BLOC1S5: variants seen among roughly 807,000 people sequenced by gnomAD.
The protein encoded by BLOC1S5 is biogenesis of lysosome-related organelles complex 1 subunit 5.
BLOC1S5 carries 27 observed loss-of-function variants against 24.3 expected under a neutral mutation model. That is an observed-to-expected ratio of 1.11 (90% CI 0.82 to 1.53). The LOEUF (loss-of-function observed/expected upper bound fraction) is 1.53. Among genes scored for constraint, BLOC1S5 ranks in the 40% most tolerant of loss-of-function variants. The pLI, the probability that BLOC1S5 is intolerant of heterozygous loss-of-function variation, is 0.00. For missense variants in BLOC1S5, 239 were observed against 229.4 expected (o/e 1.04, Z -0.27); for synonymous variants, 84 against 74.5 (o/e 1.13, Z -0.66).
At chr6:8,040,728 C>T (rs968126655) in intron 3 of BLOC1S5, among the ~76,000 whole-genome samples, 4 of 151,974 alleles carry the variant, frequency 2.6e-5, no homozygotes, top group Admixed American at 2.6e-4. Context: ...TGGTGAGACG[C>T]ACCTGTAGTC....
chr6:8,026,283 A>G, intron 4 of BLOC1S5, 84 bp downstream of exon 4: 1 of 1,141,188 alleles, frequency 8.8e-7, no homozygotes, highest in East Asian at 2.4e-5. Context: ...GCATTCAGAG[A>G]ATTTTCTGAT....
At chr6:8,018,355 G>A (rs1359614387) in intron 4 of BLOC1S5, among the ~76,000 whole-genome samples, 1 of 152,164 alleles carries the variant, frequency 6.6e-6, no homozygotes, top group Non-Finnish European at 1.5e-5. Flanking sequence ...ATGATATTTA[G>A]CTTTAGTTGT....
chr6:8,026,872 T>C (rs1048478848), intron 3 of BLOC1S5, among the ~76,000 whole-genome samples: 24 of 152,342 alleles, frequency 1.6e-4, no homozygotes, highest in African/African-American at 5.3e-4. Flanking sequence ...CTAGTAATAA[T>C]TATTGTAATT....
At chr6:8,048,346 A>C (rs1245554113) in intron 2 of BLOC1S5, among the ~76,000 whole-genome samples, 1 of 152,218 alleles carries the variant, frequency 6.6e-6, no homozygotes, top group African/African-American at 2.4e-5. Flanking sequence ...TAGAAATGGA[A>C]TTCGGAGACT....
At chr6:8,041,808 G>T (rs571471364) in intron 2 of BLOC1S5, 2 of 150,694 alleles carry the variant, frequency 1.3e-5, no homozygotes, top group Admixed American at 6.7e-5. Context: ...CACTACCCCC[G>T]GCTAATTTTG....
chr6:8,022,568 A>ATTTTTTTTTTTTTTTTT (rs35289860), intron 4 of BLOC1S5, among the ~76,000 whole-genome samples: 6 of 123,956 alleles, frequency 4.8e-5, no homozygotes, highest in East Asian at 3.0e-4. Context: ...TTCAAACTCT[A>ATTTTTTTTTTTTTTTTT]TTTTTTTTTT....
At chr6:8,031,380 T>G (rs919356381) in intron 3 of BLOC1S5, among the ~76,000 whole-genome samples, 7 of 152,170 alleles carry the variant, frequency 4.6e-5, no homozygotes, top group African/African-American at 1.7e-4. Context: ...CCTTTTAGAA[T>G]AGCTGCAAAA....
intron 2 of BLOC1S5, among the ~76,000 whole-genome samples, chr6:8,043,286 C>A (rs1763755056): frequency 6.6e-6 from 1 of 152,152 alleles, no homozygotes; most frequent in African/African-American, 2.4e-5. Context: ...GTAGAGAAAA[C>A]TAGCAACATG....
rs55949249 is a variant in BLOC1S5 at position 8,041,312 on chromosome 6, CTTTTTTTT to C, written c.196-52_196-45del. 7.9e-5 allele frequency: 85 copies of C among 1,081,688 alleles called. No homozygotes were observed. The East Asian group carries it at 8.4e-4, about 11-fold the overall frequency. The allele number at this position is 1,081,688 out of a possible 1,614,324, so 67.0% of individuals were successfully genotyped here. ...TGACTAATAAATATGGTGTCTTTTC[CTTTTTTTT>C]TTTTTTTTTTGAAATGGAGTCTCGC... On this transcript the variant is annotated intron_variant, in intron 2 of 4. Coordinates refer to ENST00000397457, the MANE Select transcript of BLOC1S5 (RefSeq NM_201280.3).
rs189181194 is a variant in BLOC1S5, at chr6:8,044,145, G to A, written c.196-2877C>T. Among the ~76,000 whole-genome samples the A allele has an allele frequency of 1.0e-3, 155 of 152,142 alleles. 1 individual carries two copies. The highest frequency in any genetic ancestry group is 3.5e-3 in the African/African-American group (146 of 41,516). On this transcript the variant is annotated intron_variant, in intron 2 of 4. Transcript: ENST00000397457. ...AAAGATACAAAAAAATTAGCCAGGC[G>A]TGGTGGTGCATGCCTGTAATCCTAG...
chr6:8,018,212 A>G (rs1363389509), intron 4 of BLOC1S5, among the ~76,000 whole-genome samples: 1 of 152,340 alleles, frequency 6.6e-6, no homozygotes. Context: ...AGCCTTATAG[A>G]TTAGAACTCT....
intron 2 of BLOC1S5, among the ~76,000 whole-genome samples, chr6:8,051,546 T>TTCCA (rs1317819046): frequency 6.6e-6 from 1 of 152,204 alleles, no homozygotes; most frequent in African/African-American, 2.4e-5. Context: ...AACAACAGAC[T>TTCCA]TCCAATGTAT....
chr6:8,043,004 C>T (rs1763745194), intron 2 of BLOC1S5, among the ~76,000 whole-genome samples: 1 of 152,178 alleles, frequency 6.6e-6, no homozygotes, highest in Non-Finnish European at 1.5e-5. Context: ...TGGGTTCCTC[C>T]AGACTGCTTC....
At chr6:8,060,796 A>G (rs1303502013) in intron 2 of BLOC1S5, among the ~76,000 whole-genome samples, 2 of 152,184 alleles carry the variant, frequency 1.3e-5, no homozygotes, top group African/African-American at 4.8e-5. Flanking sequence ...AAAATCTTAT[A>G]GCAAGTTTGT....
intron 2 of BLOC1S5, among the ~76,000 whole-genome samples, chr6:8,049,211 A>G (rs905111551): frequency 5.3e-4 from 80 of 152,060 alleles, no homozygotes; most frequent in Non-Finnish European, 8.8e-4. Flanking sequence ...TCTCTACTAA[A>G]AATACAAACA....
At chr6:8,016,276 A>G (rs1762730403) in intron 4 of BLOC1S5, among the ~76,000 whole-genome samples, 1 of 151,900 alleles carries the variant, frequency 6.6e-6, no homozygotes, top group Admixed American at 6.6e-5. Context: ...CAGTGAGCTG[A>G]GATGGCACCA....
intron 2 of BLOC1S5, among the ~76,000 whole-genome samples, chr6:8,045,480 G>A (rs1763849445): frequency 6.6e-6 from 1 of 152,082 alleles, no homozygotes; most frequent in Non-Finnish European, 1.5e-5. Flanking sequence ...GTGGGAAGAG[G>A]ACCACCGTCC....
At chr6:8,037,505 C>A (rs1340191607) in intron 3 of BLOC1S5, among the ~76,000 whole-genome samples, 1 of 152,082 alleles carries the variant, frequency 6.6e-6, no homozygotes, top group East Asian at 1.9e-4. Context: ...GATATCCATG[C>A]TCTGTAACTG....
intron 4 of BLOC1S5, 109 bp downstream of exon 4, chr6:8,026,258 T>C: frequency 1.2e-6 from 1 of 805,798 alleles, no homozygotes; most frequent in East Asian, 2.7e-5. Flanking sequence ...CATTTTAAAA[T>C]ATGTAAAACT....
Sources: allele counts gnomAD v4.1 joint callset (sites outside exome capture counted in the v4.1 genomes callset), GRCh38; gene constraint gnomAD v4.1.1; transcripts MANE v1.5; gene names NCBI Gene and HGNC (gene_info 2026-07-23, HGNC 2026-07-21).